Variants in TIMP2 observed in about 807,000 individuals in gnomAD.
TIMP2 encodes metalloproteinase inhibitor 2.
TIMP2 carries 5 observed loss-of-function variants against 24.3 expected under a neutral mutation model. The observed-to-expected ratio is 0.21, with a 90% CI of 0.11 to 0.43. The LOEUF is 0.43. TIMP2 is among the 20% of genes least tolerant of loss of function. The probability of loss-of-function intolerance (pLI) is 1.00; values close to 1 mark genes in which losing one functional copy is unlikely to be tolerated. For synonymous variants in TIMP2, 130 were observed against 123.2 expected, an observed-to-expected ratio of 1.06 and a Z score of -0.37; for missense variants, 221 against 297.5, an observed-to-expected ratio of 0.74 and a Z score of 1.89.
In TIMP2 at chr17:78,855,517, AG is replaced by A. The variant is rs1414169745; in HGVS notation, c.*149del. ...CTCCAGACCCACAACCATGTCTAAA[AG>A]GAGAAGGGGGGAGCAGAATCATATT... On this transcript the variant is annotated 3_prime_UTR_variant, in exon 5 of 5. Transcript: ENST00000262768. This position sits in a 1 kb window ranked among gnomAD's most constrained non-coding sequence, Gnocchi z 6.0. 5.3e-6 allele frequency: 5 copies of A among 940,538 alleles called. No homozygotes were observed. The highest frequency in any genetic ancestry group is 1.7e-5 in the African/African-American group (1 of 60,400). The allele number at this position is 940,538 out of a possible 1,614,324, so 58.3% of individuals were successfully genotyped here. A position where few individuals can be genotyped will look rare whatever the true frequency, so the allele number is the denominator to read the frequency against.
chr17:78,864,215 G>A (rs2069589962), intron 3 of TIMP2, among the ~76,000 whole-genome samples: 1 of 152,022 alleles, frequency 6.6e-6, no homozygotes, highest in African/African-American at 2.4e-5. Context: ...CAAGTAGCTA[G>A]GACTACAGGT....
At chr17:78,877,633 G>A (rs969741223) in intron 1 of TIMP2, among the ~76,000 whole-genome samples, 6 of 152,164 alleles carry the variant, frequency 3.9e-5, no homozygotes, top group African/African-American at 9.6e-5. Context: ...GCAGCAAGCC[G>A]GCCTTTATTA....
intron 1 of TIMP2, among the ~76,000 whole-genome samples, chr17:78,878,757 G>T (rs1372583590): frequency 6.6e-6 from 1 of 152,058 alleles, no homozygotes; most frequent in Non-Finnish European, 1.5e-5. Flanking sequence ...GGGGTGAGGG[G>T]CCTGGAGGAG....
intron 1 of TIMP2, chr17:78,922,295 G>A (rs1157573619): frequency 6.6e-6 from 1 of 152,204 alleles, no homozygotes; most frequent in African/African-American, 2.4e-5. Flanking sequence ...CCCTACCCTG[G>A]GATGTCCTGG....
At chr17:78,873,947 G>C (rs114990207) in intron 1 of TIMP2, 28 bp from the exon 2 acceptor site, 4 of 1,603,624 alleles carry the variant, frequency 2.5e-6, no homozygotes, top group Non-Finnish European at 3.4e-6. Context: ...CAGAGGTGAG[G>C]AGAGTTCCTG....
chr17:78,919,691 C>T (rs1011532311), intron 1 of TIMP2, among the ~76,000 whole-genome samples: 6 of 152,202 alleles, frequency 3.9e-5, no homozygotes, highest in East Asian at 1.9e-4. Context: ...AAAAATTAGC[C>T]GGGCATGGTG....
chr17:78,861,552 T>C (rs1162845529), intron 3 of TIMP2, among the ~76,000 whole-genome samples: 2 of 152,124 alleles, frequency 1.3e-5, no homozygotes, highest in East Asian at 1.9e-4. Context: ...TCTGGCTTCC[T>C]CAGGAGGTAA....
intron 1 of TIMP2, among the ~76,000 whole-genome samples, chr17:78,916,341 T>C (rs9903872): frequency 0.58 from 87,935 of 151,972 alleles, 25,598 homozygotes; most frequent in Middle Eastern, 0.65. Context: ...TCCCCCTCAA[T>C]GCTCCGTTTC....
At chr17:78,897,394 G>A (rs1319829034) in intron 1 of TIMP2, 1 of 152,176 alleles carries the variant, frequency 6.6e-6, no homozygotes, top group Non-Finnish European at 1.5e-5. Flanking sequence ...GCCTGTGAGA[G>A]AGTGGCCGCC....
chr17:78,891,002 G>T lies in TIMP2; in HGVS notation c.131-17083C>A. 1 of 1,551,168 alleles carries T rather than the reference G, an allele frequency of 6.4e-7. No individual in the cohort carries two copies. Among genetic ancestry groups the T allele is most frequent in the Non-Finnish European group, 8.7e-7 (1 of 1,147,152 alleles). On this transcript the variant is annotated intron_variant, in intron 1 of 4. Coordinates refer to ENST00000262768, the MANE Select transcript of TIMP2 (RefSeq NM_003255.5). The surrounding 1 kb of genome is among the most constrained non-coding windows in gnomAD (Gnocchi z 4.5). Reference sequence around the variant, plus strand: ...CATCTCTGCTTTCTGCCTTTGCCTGGATGCCGTCGAGCCCACTCTGTCTGC... The same window carrying T: ...CATCTCTGCTTTCTGCCTTTGCCTGTATGCCGTCGAGCCCACTCTGTCTGC...
Position 78,878,462 on chromosome 17 carries a change from C to T in TIMP2, c.131-4543G>A, listed in dbSNP as rs141527058. Among the ~76,000 whole-genome samples, 1,374 of 152,264 alleles carry T rather than the reference C, an allele frequency of 9.0e-3. 21 individuals carry two copies. The highest frequency in any genetic ancestry group is 0.032 in the African/African-American group (1,323 of 41,534). ...CATAGACAAGCAGGGCGAATTCTCC[C>T]GCTCCCGTGGGTGAGGGATTGGGAC... is the stretch of plus-strand genomic sequence containing the variant. On this transcript the variant is annotated intron_variant, in intron 1 of 4. Coordinates refer to ENST00000262768, the MANE Select transcript of TIMP2 (RefSeq NM_003255.5).
chr17:78,866,989 G>A (rs887123288), intron 3 of TIMP2, among the ~76,000 whole-genome samples: 15 of 152,172 alleles, frequency 9.9e-5, no homozygotes, highest in Non-Finnish European at 4.4e-5. Flanking sequence ...GGCCGGGCGC[G>A]GTGGCTCACG....
chr17:78,867,665 G>A (rs2069629850), intron 3 of TIMP2, among the ~76,000 whole-genome samples: 1 of 147,450 alleles, frequency 6.8e-6, no homozygotes, highest in South Asian at 2.2e-4. Flanking sequence ...GCACGATCTC[G>A]GCTCACTACA....
intron 1 of TIMP2, among the ~76,000 whole-genome samples, chr17:78,885,078 A>G (rs1047830411): frequency 3.9e-5 from 6 of 152,222 alleles, no homozygotes; most frequent in African/African-American, 1.4e-4. Flanking sequence ...CTCGGCAGAA[A>G]GCACAAGCAA....
chr17:78,857,756 C>A, intron 3 of TIMP2, 110 bp from the exon 4 acceptor site: 1 of 1,441,180 alleles, frequency 6.9e-7, no homozygotes, highest in South Asian at 1.3e-5. Flanking sequence ...CAATCCTGTG[C>A]ACTGTCTATT....
Position 78,896,128 on chromosome 17 carries a change from A to T in TIMP2, c.131-22209T>A, listed in dbSNP as rs1167802392. 6.6e-6 allele frequency among the ~76,000 whole-genome samples: 1 copy of T among 152,212 alleles called. No individual in the cohort carries two copies. Among genetic ancestry groups the T allele is most frequent in the Non-Finnish European group, 1.5e-5 (1 of 68,038 alleles). On this transcript the variant is annotated intron_variant, in intron 1 of 4. Coordinates refer to ENST00000262768, the MANE Select transcript of TIMP2 (RefSeq NM_003255.5). The surrounding 1 kb of genome is among the most constrained non-coding windows in gnomAD (Gnocchi z 4.4). ...TTCAGGAATCGATCCCCGCTCTGAC[A>T]CCATCAGATGCAACCTCGTCCCCGC...
At chr17:78,911,025 T>C (rs1455352609) in intron 1 of TIMP2, among the ~76,000 whole-genome samples, 2 of 152,186 alleles carry the variant, frequency 1.3e-5, no homozygotes, top group African/African-American at 2.4e-5. Flanking sequence ...TTGTAGTTTT[T>C]TGAGGAACCT....
chr17:78,867,092 A>C (rs2069623459), intron 3 of TIMP2, among the ~76,000 whole-genome samples: 1 of 152,080 alleles, frequency 6.6e-6, no homozygotes, highest in Admixed American at 6.6e-5. Context: ...GAAACCCCGT[A>C]TCTACTAAAA....
intron 1 of TIMP2, among the ~76,000 whole-genome samples, chr17:78,918,300 C>A (rs571815416): frequency 9.8e-5 from 15 of 152,336 alleles, no homozygotes; most frequent in South Asian, 6.2e-4. Flanking sequence ...ACCTGGCTGA[C>A]TGGGGAGTAG....
Sources: allele counts gnomAD v4.1 joint callset (sites outside exome capture counted in the v4.1 genomes callset), GRCh38; gene constraint gnomAD v4.1.1; non-coding constraint Gnocchi (gnomAD v3.1); transcripts MANE v1.5; gene names NCBI Gene and HGNC (gene_info 2026-07-23, HGNC 2026-07-21).